Variants in CHD1 observed in about 807,000 individuals in gnomAD.
The protein encoded by CHD1 is chromodomain helicase DNA binding protein 1.
CHD1 carries 36 observed loss-of-function variants against 224.2 expected under a neutral mutation model. The ratio of observed to expected loss-of-function variants is 0.16; its 90% CI spans 0.12 to 0.21. CHD1 has a LOEUF of 0.21. Among genes scored for constraint, CHD1 ranks in the 10% least tolerant of loss-of-function variants. The pLI, the probability that CHD1 is intolerant of heterozygous loss-of-function variation, is 1.00. For synonymous variants in CHD1, 668 were observed against 658.3 expected, an observed-to-expected ratio of 1.01 and a Z score of -0.23; for missense variants, 1,378 against 1,994.8, an observed-to-expected ratio of 0.69 and a Z score of 5.89.
At chr5:98,907,954 T>C (rs1752155656) in intron 2 of CHD1, among the ~76,000 whole-genome samples, 2 of 152,170 alleles carry the variant, frequency 1.3e-5, no homozygotes, top group African/African-American at 4.8e-5. Context: ...CTTAAAACTT[T>C]GAGCTAAAAT....
rs330358 is a variant in CHD1 at position 98,896,073 on chromosome 5, C to G, written c.1710+153G>C. ...ATAAAAAATTAGCCAGGAGTGGTGGCGTGCTCCTGTGGTCCCAGTTGCAGT... is the reference window on the plus strand; with the variant it reads ...ATAAAAAATTAGCCAGGAGTGGTGGGGTGCTCCTGTGGTCCCAGTTGCAGT... On this transcript the variant is annotated intron_variant, in intron 12 of 35. Transcript: ENST00000614616. Among the ~76,000 whole-genome samples, 490 of 152,100 alleles carry G rather than the reference C, an allele frequency of 3.2e-3. 4 individuals are homozygous for G. The highest frequency in any genetic ancestry group is 0.011 in the African/African-American group (461 of 41,494).
intron 10 of CHD1, among the ~76,000 whole-genome samples, 192 bp downstream of exon 10, chr5:98,898,064 T>TA (rs1423193525): frequency 6.6e-6 from 1 of 151,960 alleles, no homozygotes; most frequent in South Asian, 2.1e-4. Context: ...AAGTTTGAAA[T>TA]AAAAAATTAT....
At chr5:98,885,874 T>A (rs769115384) in intron 17 of CHD1, 6 of 465,450 alleles carry the variant, frequency 1.3e-5, no homozygotes, top group African/African-American at 4.0e-5. Flanking sequence ...TAGGCTGTCA[T>A]ACTATTCTGC....
chr5:98,911,986 T>C (rs1580505478), intron 2 of CHD1, among the ~76,000 whole-genome samples: 1 of 152,032 alleles, frequency 6.6e-6, no homozygotes, highest in Non-Finnish European at 1.5e-5. Context: ...TAATAAACAA[T>C]ATAGGCCTTG....
At chr5:98,892,971 C>A (rs1024686186) in intron 14 of CHD1, among the ~76,000 whole-genome samples, 1 of 152,048 alleles carries the variant, frequency 6.6e-6, no homozygotes, top group Non-Finnish European at 1.5e-5. Context: ...GTAATTATCA[C>A]TAAAATATTT....
chr5:98,875,064 G>T lies in CHD1; in HGVS notation c.3440+8C>A. 7.4e-7 allele frequency: 1 copy of T among 1,347,826 alleles called. No homozygotes were observed. The highest frequency in any genetic ancestry group is 1.8e-5 in the Admixed American group (1 of 55,890). The allele number at this position is 1,347,826 out of a possible 1,614,324, so 83.5% of individuals were successfully genotyped here. A position where few individuals can be genotyped will look rare whatever the true frequency, so the allele number is the denominator to read the frequency against. On this transcript the variant is annotated splice_region_variant and intron_variant, in intron 25 of 35. Coordinates refer to ENST00000614616, the MANE Select transcript of CHD1 (RefSeq NM_001270.4). ...CCATTATTCTATGAGAATAATAAAC[G>T]TATTTACCTTTCCAGAGGACCACCA... is the stretch of plus-strand genomic sequence containing the variant.
At chr5:98,894,299 A>G (rs190490041) in intron 13 of CHD1, among the ~76,000 whole-genome samples, 30 of 152,328 alleles carry the variant, frequency 2.0e-4, no homozygotes, top group Admixed American at 2.0e-3. Context: ...ACACTATAAC[A>G]AACTGGTTTC....
intron 15 of CHD1, 93 bp downstream of exon 15, chr5:98,892,430 CTA>C (rs1219328249): frequency 1.2e-6 from 1 of 814,146 alleles, no homozygotes; most frequent in Non-Finnish European, 1.9e-6. Flanking sequence ...CTCTAAGACA[CTA>C]TTGTAGAGAA....
chr5:98,894,312 T>C (rs1276940569), intron 13 of CHD1, among the ~76,000 whole-genome samples: 1 of 152,222 alleles, frequency 6.6e-6, no homozygotes, highest in Admixed American at 6.5e-5. Context: ...CTGGTTTCAT[T>C]CGATTGAGTT....
rs148132052 is a variant in CHD1, at chr5:98,899,368, G to A, written c.1085+112C>T. ...CAAAGACAGCCAACTGTATTATAAA[G>A]TCTATAGCTATTTTAGGCTATCATT... On this transcript the variant is annotated intron_variant, in intron 8 of 35. Transcript: ENST00000614616. 2.0e-4 allele frequency: 144 copies of A among 715,420 alleles called. No homozygotes were observed. In the African/African-American group the frequency reaches 2.4e-3, roughly 12 times the overall value. The allele number at this position is 715,420 out of a possible 1,614,324, so 44.3% of individuals were successfully genotyped here.
At chr5:98,885,889 G>A (rs1750618247) in intron 17 of CHD1, 1 of 427,432 alleles carries the variant, frequency 2.3e-6, no homozygotes, top group Admixed American at 4.1e-5. Flanking sequence ...TTCTGCCTGA[G>A]TCCCCATTCT....
rs1398829073 is a variant in CHD1 at position 98,858,187 on chromosome 5, C to T, written c.4780G>A (p.Asp1594Asn). Residue 1594 changes from aspartate (D) to asparagine (N), a missense_variant, in exon 35 of 36, where the codon GAC becomes AAC. Asp to Asn is a conservative substitution (Grantham distance 23, BLOSUM62 1). Transcript: ENST00000614616. ...DHRDWDHYKQ[D>N]SRYYSDREKH... ...AGTGACTGCCAAGTTTACCTGCTGT[C>T]TTGCTTGTAGTGATCCCAATCACGA... 1 of 1,612,348 alleles carries T rather than the reference C, an allele frequency of 6.2e-7. No homozygotes were observed. The highest frequency in any genetic ancestry group is 8.5e-7 in the Non-Finnish European group (1 of 1,178,854).
intron 18 of CHD1, 25 bp downstream of exon 18, chr5:98,885,553 T>C (rs769146705): frequency 2.1e-6 from 3 of 1,401,534 alleles, no homozygotes; most frequent in Non-Finnish European, 3.0e-6. Context: ...AAATTATTTA[T>C]AATTTTAAAA....
chr5:98,890,457 A>G (rs895755760), intron 15 of CHD1, among the ~76,000 whole-genome samples: 1 of 152,174 alleles, frequency 6.6e-6, no homozygotes, highest in African/African-American at 2.4e-5. Context: ...ATTTCTCTAG[A>G]GGTAAAAATT....
At chr5:98,871,933 C>T in intron 28 of CHD1, 118 bp downstream of exon 28, 3 of 850,838 alleles carry the variant, frequency 3.5e-6, no homozygotes, top group Non-Finnish European at 5.3e-6. Flanking sequence ...CAAGGTCACA[C>T]AACCAGCTAG....
At chr5:98,916,300 C>T (rs1437944057) in intron 2 of CHD1, among the ~76,000 whole-genome samples, 1 of 152,022 alleles carries the variant, frequency 6.6e-6, no homozygotes, top group East Asian at 1.9e-4. Flanking sequence ...AATCCCAGCA[C>T]TTTGGGAGGC....
At position 98,899,520 on chromosome 5, in the gene CHD1, A is replaced by G; in HGVS notation, c.1045T>C (p.Leu349=). 6.2e-7 allele frequency: 1 copy of G among 1,613,000 alleles called. No homozygotes were observed. The highest frequency in any genetic ancestry group is 8.5e-7 in the Non-Finnish European group (1 of 1,179,542). ...TGATCTTTTTTCTTATAATTATCCA[A>G]TTTTTTCATTCCTCTAACATTCTGC... ...KQQNVRGMKK[L]DNYKKKDQET... Residue 349 remains leucine (L), a synonymous_variant, in exon 8 of 36, where the codon TTG becomes CTG. Transcript: ENST00000614616.
At position 98,926,444 on chromosome 5, in the gene CHD1, T is replaced by C. The variant is rs1014612408; in HGVS notation, c.-58A>G. 8.6e-5 allele frequency: 79 copies of C among 915,042 alleles called. No homozygotes were observed. The highest frequency in any genetic ancestry group is 6.8e-5 in the Non-Finnish European group (42 of 618,804). 56.7% of individuals were successfully genotyped at this position (915,042 alleles called of 1,614,324 possible). ...ATATAAATCTTCCCAGTTTAAAAGA[T>C]GAATATAAATACTGACTCCTTGAAT... On this transcript the variant is annotated 5_prime_UTR_variant, in exon 2 of 36. Coordinates refer to ENST00000614616, the MANE Select transcript of CHD1 (RefSeq NM_001270.4).
In CHD1 at chr5:98,898,211, GTATAAA is replaced by G. The variant is rs1193652815; in HGVS notation, c.1365+39_1365+44del. ...ATTTAGGCTTGTAAATATTTATAAT[GTATAAA>G]TATATTTTTAATAATTTAAAATGTT... is the stretch of plus-strand genomic sequence containing the variant. On this transcript the variant is annotated intron_variant, in intron 10 of 35. Coordinates refer to ENST00000614616, the MANE Select transcript of CHD1 (RefSeq NM_001270.4). 6.0e-6 allele frequency: 6 copies of G among 1,004,712 alleles called. No individual in the cohort carries two copies. In the African/African-American group the frequency reaches 8.4e-5, roughly 14 times the overall value. 62.2% of individuals were successfully genotyped at this position (1,004,712 alleles called of 1,614,324 possible). A position where few individuals can be genotyped will look rare whatever the true frequency, so the allele number is the denominator to read the frequency against.
Sources: allele counts gnomAD v4.1 joint callset (sites outside exome capture counted in the v4.1 genomes callset), GRCh38; gene constraint gnomAD v4.1.1; transcripts MANE v1.5; gene names NCBI Gene and HGNC (gene_info 2026-07-23, HGNC 2026-07-21).